FILIP1L: variants seen among roughly 807,000 people sequenced by gnomAD.
The protein encoded by FILIP1L is filamin A interacting protein 1 like.
In FILIP1L, 55 loss-of-function variants were observed where a neutral mutation model predicts 96.6. The ratio of observed to expected loss-of-function variants is 0.57; its 90% CI spans 0.46 to 0.71. The LOEUF is 0.71. Among genes scored for constraint, FILIP1L ranks in the 30% least tolerant of loss-of-function variants. The pLI is 0.00. For synonymous variants in FILIP1L, 467 were observed against 473.9 expected (o/e 0.99, Z 0.19); for missense variants, 1,304 against 1,321.2 (o/e 0.99, Z 0.20).
chr3:100,037,956 T>G lies in FILIP1L; in HGVS notation c.-11+76097A>C, dbSNP rs113273147. On this transcript the variant is annotated intron_variant, in intron 1 of 5. Coordinates refer to ENST00000477258, the MANE Select transcript of FILIP1L (RefSeq NM_001387850.1). The stretch of plus-strand genomic sequence containing the variant: ...TCGCTTTTCTTTTTTTTTTTTTTTT[T>G]GGGGGGGGAGGGAACAGAGTCTCAA... Among the ~76,000 whole-genome samples, 699 of 87,866 alleles carry G rather than the reference T, an allele frequency of 8.0e-3. 2 individuals carry two copies. The highest frequency in any genetic ancestry group is 0.014 in the South Asian group (36 of 2,638). 57.6% of individuals were successfully genotyped at this position (87,866 alleles called of 152,430 possible). A position where few individuals can be genotyped will look rare whatever the true frequency, so the allele number is the denominator to read the frequency against.
intron 1 of FILIP1L, chr3:100,025,547 C>T (rs1312899274): frequency 6.6e-6 from 1 of 152,124 alleles, no homozygotes; most frequent in Non-Finnish European, 1.5e-5. Flanking sequence ...ATGTTATACT[C>T]GAATCCCTGA....
At chr3:100,071,455 C>T (rs1004567315) in intron 1 of FILIP1L, among the ~76,000 whole-genome samples, 1 of 152,196 alleles carries the variant, frequency 6.6e-6, no homozygotes, top group Non-Finnish European at 1.5e-5. Context: ...AAAGTAGATA[C>T]TGTTTCCTCT....
intron 1 of FILIP1L, among the ~76,000 whole-genome samples, chr3:100,085,333 TCTC>T (rs1161215022): frequency 6.6e-6 from 1 of 152,200 alleles, no homozygotes; most frequent in Non-Finnish European, 1.5e-5. Flanking sequence ...TATCTTCCCT[TCTC>T]CTTAAGGAAT....
intron 4 of FILIP1L, among the ~76,000 whole-genome samples, chr3:99,912,537 C>G (rs1706824538): frequency 6.6e-6 from 1 of 152,074 alleles, no homozygotes; most frequent in Admixed American, 6.5e-5. Context: ...GCCAGCACAC[C>G]CAGCTAAATT....
Position 99,987,528 on chromosome 3 carries a change from C to CAA in FILIP1L, c.-10-56500_-10-56499dup, listed in dbSNP as rs1209242716. On this transcript the variant is annotated intron_variant, in intron 1 of 5. Transcript: ENST00000477258. The stretch of plus-strand genomic sequence containing the variant: ...TGGGTGACAGAGCGAGATTCTGTCT[C>CAA]AAAAAAAAAAAAAAAAAAGAAAGAA... 8.3e-3 allele frequency among the ~76,000 whole-genome samples: 475 copies of CAA among 57,100 alleles called. 4 individuals carry two copies. The highest frequency in any genetic ancestry group is 0.026 in the African/African-American group (443 of 17,240). 37.5% of individuals were successfully genotyped at this position (57,100 alleles called of 152,430 possible).
At chr3:100,074,419 G>A (rs1411081057) in intron 1 of FILIP1L, among the ~76,000 whole-genome samples, 1 of 151,896 alleles carries the variant, frequency 6.6e-6, no homozygotes, top group Non-Finnish European at 1.5e-5. Flanking sequence ...GTTTTCCAGA[G>A]GCCTTTTCTA....
chr3:100,050,129 A>G (rs1447481077), intron 1 of FILIP1L, among the ~76,000 whole-genome samples: 1 of 152,198 alleles, frequency 6.6e-6, no homozygotes, highest in African/African-American at 2.4e-5. Flanking sequence ...ATCATGGGGT[A>G]GTGTTCGGGG....
At chr3:99,858,443 C>T (rs929341631) in intron 4 of FILIP1L, among the ~76,000 whole-genome samples, 7 of 151,650 alleles carry the variant, frequency 4.6e-5, no homozygotes, top group South Asian at 2.1e-4. Flanking sequence ...CCAGCCTGGG[C>T]GACACAGCAA....
intron 1 of FILIP1L, among the ~76,000 whole-genome samples, chr3:99,976,253 A>G (rs1340285871): frequency 6.6e-6 from 1 of 152,170 alleles, no homozygotes; most frequent in African/African-American, 2.4e-5. Flanking sequence ...CTATTAGTCT[A>G]CTTGAGGAGA....
At chr3:99,966,794 C>T (rs918164701) in intron 1 of FILIP1L, among the ~76,000 whole-genome samples, 1 of 152,122 alleles carries the variant, frequency 6.6e-6, no homozygotes, top group African/African-American at 2.4e-5. Flanking sequence ...GTATACAAGA[C>T]GTAACTGAAG....
intron 1 of FILIP1L, among the ~76,000 whole-genome samples, chr3:99,953,447 T>A (rs1708235335): frequency 6.6e-6 from 1 of 152,196 alleles, no homozygotes; most frequent in South Asian, 2.1e-4. Context: ...CAGATGCCTT[T>A]ATGTCACTTT....
chr3:99,961,920 A>C (rs1270453203), intron 1 of FILIP1L, among the ~76,000 whole-genome samples: 1 of 152,096 alleles, frequency 6.6e-6, no homozygotes, highest in East Asian at 1.9e-4. Flanking sequence ...GGGACCAAGT[A>C]GTCTGTGATT....
At chr3:99,902,764 C>G (rs1351825569) in intron 4 of FILIP1L, among the ~76,000 whole-genome samples, 1 of 152,010 alleles carries the variant, frequency 6.6e-6, no homozygotes, top group Admixed American at 6.5e-5. Context: ...ATTCTAGTTG[C>G]CTGTCATGGA....
chr3:100,024,017 G>C (rs2107238536), intron 1 of FILIP1L, among the ~76,000 whole-genome samples: 1 of 152,246 alleles, frequency 6.6e-6, no homozygotes, highest in African/African-American at 2.4e-5. Flanking sequence ...TCCCCCTTCA[G>C]CTGACAGACT....
chr3:99,989,947 G>A (rs763113881), intron 1 of FILIP1L, among the ~76,000 whole-genome samples: 1 of 152,084 alleles, frequency 6.6e-6, no homozygotes, highest in Non-Finnish European at 1.5e-5. Context: ...GTGCTTAAGA[G>A]TGCAAGAGAG....
chr3:99,836,621 G>A (rs1322779332), intron 5 of FILIP1L, among the ~76,000 whole-genome samples: 1 of 152,124 alleles, frequency 6.6e-6, no homozygotes, highest in Non-Finnish European at 1.5e-5. Context: ...GATGAATTTT[G>A]TGGGACCCTA....
At chr3:99,901,961 A>G (rs979148459) in intron 4 of FILIP1L, among the ~76,000 whole-genome samples, 1 of 152,208 alleles carries the variant, frequency 6.6e-6, no homozygotes, top group African/African-American at 2.4e-5. Context: ...AATGATGCCA[A>G]TAAACAAAAC....
intron 4 of FILIP1L, among the ~76,000 whole-genome samples, chr3:99,900,763 T>A (rs1280054325): frequency 6.6e-6 from 1 of 152,242 alleles, no homozygotes; most frequent in Non-Finnish European, 1.5e-5. Context: ...GGTGTGAGCT[T>A]TTAGCACAGT....
chr3:99,999,654 A>G lies in FILIP1L; in HGVS notation c.-10-68624T>C, dbSNP rs1279946328. ...TTTCAGTCAGCGCTTTGCTAAACAC[A>G]TCAAAGAAGTCTGTCACTTGATGGT... On this transcript the variant is annotated intron_variant, in intron 1 of 5. Coordinates refer to ENST00000477258, the MANE Select transcript of FILIP1L (RefSeq NM_001387850.1). 2.0e-5 allele frequency among the ~76,000 whole-genome samples: 3 copies of G among 152,164 alleles called. 1 individual carries two copies. Among genetic ancestry groups the G allele is most frequent in the East Asian group, 3.8e-4 (2 of 5,198 alleles).
Sources: gnomAD v4.1 joint callset for allele counts (sites outside exome capture counted in the v4.1 genomes callset) on GRCh38, gnomAD v4.1.1 for gene constraint, MANE v1.5 for transcripts, NCBI Gene and HGNC (gene_info 2026-07-23, HGNC 2026-07-21) for gene names.